RFPL4AL1: variants seen among roughly 807,000 people sequenced by gnomAD.
RFPL4AL1 encodes the protein ret finger protein like 4A like 1.
A neutral mutation model predicts 8.2 loss-of-function variants in RFPL4AL1; 2 were observed. That is an observed-to-expected ratio of 0.24 (90% CI 0.10 to 0.77). The LOEUF is 0.77. RFPL4AL1 is among the 30% of genes least tolerant of loss of function. RFPL4AL1 has a pLI of 0.72. For synonymous variants in RFPL4AL1, 25 were observed against 131.8 expected, an observed-to-expected ratio of 0.19 and a Z score of 5.55; for missense variants, 57 against 350.3, an observed-to-expected ratio of 0.16 and a Z score of 6.68.
At chr19:55,770,979 T>C (rs577591207) in intron 1 of RFPL4AL1, among the ~76,000 whole-genome samples, 1 of 152,018 alleles carries the variant, frequency 6.6e-6, no homozygotes, top group African/African-American at 2.4e-5. Flanking sequence ...TATTTTGGCT[T>C]TTTTTTCTTT....
chr19:55,770,794 T>A lies in RFPL4AL1; in HGVS notation c.-9-1002T>A, dbSNP rs537939969. 1.2e-4 allele frequency among the ~76,000 whole-genome samples: 18 copies of A among 151,782 alleles called. No individual in the cohort carries two copies. In the East Asian group the frequency reaches 2.5e-3, roughly 21 times the overall value. ...GCCACTGTTTTGGTCTCATGTGAAA[T>A]TGTCACTGGATACGTTCTCGATTCT... is the stretch of plus-strand genomic sequence containing the variant. On this transcript the variant is annotated intron_variant, in intron 1 of 2. Coordinates refer to ENST00000341750, the MANE Select transcript of RFPL4AL1 (RefSeq NM_001277397.2).
chr19:55,771,364 G>T (rs1568618901), intron 1 of RFPL4AL1, among the ~76,000 whole-genome samples: 1 of 152,256 alleles, frequency 6.6e-6, no homozygotes, highest in South Asian at 2.1e-4. Context: ...AATCATTTAA[G>T]ATGTGAGCAA....
chr19:55,770,380 G>A (rs1471188920), intron 1 of RFPL4AL1, among the ~76,000 whole-genome samples: 1 of 151,962 alleles, frequency 6.6e-6, no homozygotes, highest in Non-Finnish European at 1.5e-5. Flanking sequence ...CCAGAATGAA[G>A]TGAAAGGCAA....
At chr19:55,771,086 G>GT (rs74183507) in intron 1 of RFPL4AL1, among the ~76,000 whole-genome samples, 9,239 of 125,380 alleles carry the variant, frequency 0.074, 5 homozygotes, top group Non-Finnish European at 0.1. Flanking sequence ...TCTGTTTTTT[G>GT]TTTTTTTTTT....
At chr19:55,770,623 AGT>A (rs1425131847) in intron 1 of RFPL4AL1, among the ~76,000 whole-genome samples, 4 of 151,812 alleles carry the variant, frequency 2.6e-5, no homozygotes, top group African/African-American at 9.7e-5. Context: ...GACACTGCAG[AGT>A]GTGTGATTTA....
intron 2 of RFPL4AL1, 141 bp downstream of exon 2, chr19:55,772,231 C>G (rs1989513539): frequency 1.6e-6 from 1 of 641,426 alleles, no homozygotes; most frequent in Non-Finnish European, 2.6e-6. Flanking sequence ...GCAGTTCTCA[C>G]CTTTGCGTAG....
At chr19:55,772,366 G>C (rs1990973) in intron 2 of RFPL4AL1, among the ~76,000 whole-genome samples, 1 of 120,256 alleles carries the variant, frequency 8.3e-6, no homozygotes, top group Non-Finnish European at 1.9e-5. Flanking sequence ...AACTTATTTC[G>C]AAAGGCATTT....
In RFPL4AL1 at chr19:55,772,604, G is replaced by GAT. The variant is rs1235800863; in HGVS notation, c.292_293dup (p.Met98IlefsTer2). ...ACTCCTGGTTCTTCTTTGCACAGTG[G>GAT]ATATGACCTTCGATGTGGACACAGC... On this transcript the variant is annotated frameshift_variant, in exon 3 of 3. Transcript: ENST00000341750. LOFTEE classifies it low-confidence loss of function (END_TRUNC). The GAT allele has an allele frequency of 1.6e-6, 2 of 1,231,764 alleles. No individual in the cohort carries two copies. The highest frequency in any genetic ancestry group is 3.5e-5 in the African/African-American group (2 of 56,534). The allele number at this position is 1,231,764 out of a possible 1,614,324, so 76.3% of individuals were successfully genotyped here.
At position 55,772,843 on chromosome 19, in the gene RFPL4AL1, G is replaced by A. The variant is rs576232840; in HGVS notation, c.528G>A (p.Gly176=). The part of the protein sequence containing the change: ...GVCKESVNRQ[G]KIELSSEHGF... Reference sequence around the variant, plus strand: ...GCAAGGAATCTGTCAACCGACAGGGGAAGATTGAGCTTTCTTCAGAACACG... The same window carrying A: ...GCAAGGAATCTGTCAACCGACAGGGAAAGATTGAGCTTTCTTCAGAACACG... The change falls in exon 3 of 3, where the codon GGG becomes GGA. Residue 176 remains glycine (G), a synonymous_variant. Transcript: ENST00000341750. 4 of 1,550,814 alleles carry A rather than the reference G, an allele frequency of 2.6e-6. No homozygotes were observed. In the Admixed American group the frequency reaches 7.9e-5, roughly 30 times the overall value.
At chr19:55,770,083 G>A (rs1486504097) in intron 1 of RFPL4AL1, among the ~76,000 whole-genome samples, 2 of 151,926 alleles carry the variant, frequency 1.3e-5, no homozygotes, top group Non-Finnish European at 2.9e-5. Flanking sequence ...CTGGAACACA[G>A]GCAGTTCTAT....
At chr19:55,771,175 G>A (rs62127019) in intron 1 of RFPL4AL1, among the ~76,000 whole-genome samples, 50,190 of 122,854 alleles carry the variant, frequency 0.41, 7,339 homozygotes, top group Admixed American at 0.49. Context: ...CTTTTGGTGT[G>A]CTATCAGGGT....
rs542574198 is a variant in RFPL4AL1, at chr19:55,769,607, A to G, written c.-10+432A>G. Reference sequence around the variant, plus strand: ...CAGAAGGAGAAAGGGAAGGAAATGAAAAGCAACGTTTGTTTAAATTACTAT... The same window carrying G: ...CAGAAGGAGAAAGGGAAGGAAATGAGAAGCAACGTTTGTTTAAATTACTAT... On this transcript the variant is annotated intron_variant, in intron 1 of 2. Transcript: ENST00000341750. Among the ~76,000 whole-genome samples, 102 of 151,982 alleles carry G rather than the reference A, an allele frequency of 6.7e-4. 3 individuals carry two copies. The highest frequency in any genetic ancestry group is 1.3e-3 in the Non-Finnish European group (91 of 67,884).
At chr19:55,771,252 A>G (rs1223375057) in intron 1 of RFPL4AL1, among the ~76,000 whole-genome samples, 1 of 151,980 alleles carries the variant, frequency 6.6e-6, no homozygotes, top group Non-Finnish European at 1.5e-5. Context: ...AGCACTGTCC[A>G]ATAGAATCTT....
intron 1 of RFPL4AL1, among the ~76,000 whole-genome samples, chr19:55,769,614 C>A (rs1895379): frequency 0.68 from 100,690 of 147,288 alleles, 34,424 homozygotes; most frequent in African/African-American, 0.77. Flanking sequence ...TGAAAAGCAA[C>A]GTTTGTTTAA....
chr19:55,771,086 G>GGTTTTTTTTT lies in RFPL4AL1; in HGVS notation c.-9-710_-9-709insGTTTTTTTTT, dbSNP rs1555799526. The stretch of plus-strand genomic sequence containing the variant: ...TTGGTTTCTTTTAGTTCTGTTTTTT[G>GGTTTTTTTTT]TTTTTTTTTTTTTTTTTTTCCGCTA... On this transcript the variant is annotated intron_variant, in intron 1 of 2. Coordinates refer to ENST00000341750, the MANE Select transcript of RFPL4AL1 (RefSeq NM_001277397.2). Among the ~76,000 whole-genome samples, 13 of 130,374 alleles carry GGTTTTTTTTT rather than the reference G, an allele frequency of 1.0e-4. 1 individual carries two copies. Among genetic ancestry groups the GGTTTTTTTTT allele is most frequent in the Non-Finnish European group, 9.5e-5 (6 of 63,344 alleles). 85.5% of individuals were successfully genotyped at this position (130,374 alleles called of 152,430 possible). A position where few individuals can be genotyped will look rare whatever the true frequency, so the allele number is the denominator to read the frequency against.
In RFPL4AL1 at chr19:55,770,437, G is replaced by A. The variant is rs544008841; in HGVS notation, c.-10+1262G>A. Among the ~76,000 whole-genome samples, 151 of 152,006 alleles carry A rather than the reference G, an allele frequency of 9.9e-4. 2 individuals are homozygous for A. The highest frequency in any genetic ancestry group is 3.4e-3 in the African/African-American group (141 of 41,462). On this transcript the variant is annotated intron_variant, in intron 1 of 2. Transcript: ENST00000341750. ...AAGCACACTGTTAGGAGAGAAGTGT[G>A]GGCGTGATTCTGAAAGCTGGTGGCG...
intron 1 of RFPL4AL1, among the ~76,000 whole-genome samples, chr19:55,770,606 C>T (rs1273600191): frequency 6.6e-6 from 1 of 151,880 alleles, no homozygotes; most frequent in Admixed American, 6.6e-5. Flanking sequence ...ATGCTGGGGT[C>T]AGCCGTGACA....
At position 55,773,253 on chromosome 19, in the gene RFPL4AL1, G is replaced by T; in HGVS notation, c.*74G>T. 1.2e-6 allele frequency: 1 copy of T among 851,538 alleles called. No individual in the cohort carries two copies. Among genetic ancestry groups the T allele is most frequent in the South Asian group, 1.8e-5 (1 of 56,972 alleles). The allele number at this position is 851,538 out of a possible 1,614,324, so 52.7% of individuals were successfully genotyped here. A position where few individuals can be genotyped will look rare whatever the true frequency, so the allele number is the denominator to read the frequency against. ...GCCATAGCTAAGAACTTTTCCGCTA[G>T]ATACACATAGGTACAAAGGGACAGA... On this transcript the variant is annotated 3_prime_UTR_variant, in exon 3 of 3. Transcript: ENST00000341750.
At chr19:55,772,321 T>C (rs1341155460) in intron 2 of RFPL4AL1, among the ~76,000 whole-genome samples, 1 of 130,782 alleles carries the variant, frequency 7.6e-6, no homozygotes, top group Non-Finnish European at 1.7e-5. Flanking sequence ...TCATATGTGC[T>C]AAATGGAAAA....
Sources: gnomAD v4.1 joint callset for allele counts (sites outside exome capture counted in the v4.1 genomes callset) on GRCh38, gnomAD v4.1.1 for gene constraint, MANE v1.5 for transcripts, NCBI Gene and HGNC (gene_info 2026-07-23, HGNC 2026-07-21) for gene names.